BACH1: variants seen among roughly 807,000 people sequenced by gnomAD.
BACH1 encodes transcription regulator protein BACH1.
In BACH1, 35 loss-of-function variants were observed where a neutral mutation model predicts 52.9. The observed-to-expected ratio is 0.66, with a 90% confidence interval of 0.51 to 0.88. BACH1 has a LOEUF of 0.88. Among genes scored for constraint, BACH1 ranks in the 40% least tolerant of loss-of-function variants. The probability of loss-of-function intolerance (pLI) is 0.00; values close to 1 mark genes in which losing one functional copy is unlikely to be tolerated. For missense variants in BACH1, 808 were observed against 872.6 expected (o/e 0.93, Z 0.93); for synonymous variants, 321 against 319.6 (o/e 1.00, Z -0.05).
At chr21:29,299,125 G>T (rs2088573225) in intron 1 of BACH1, among the ~76,000 whole-genome samples, 172 bp downstream of exon 1, 1 of 151,456 alleles carries the variant, frequency 6.6e-6, no homozygotes, top group Non-Finnish European at 1.5e-5. Flanking sequence ...GCCCGCGGGG[G>T]GCGCCGGCGG....
intron 1 of BACH1, among the ~76,000 whole-genome samples, chr21:29,306,208 G>GTGTGTA (rs2088655737): frequency 7.1e-6 from 1 of 141,162 alleles, no homozygotes; most frequent in East Asian, 2.0e-4. Flanking sequence ...GTGTGTGTGT[G>GTGTGTA]TGTATTTAAA....
intron 4 of BACH1, among the ~76,000 whole-genome samples, chr21:29,340,160 A>T (rs977301232): frequency 6.6e-6 from 1 of 152,198 alleles, no homozygotes; most frequent in Non-Finnish European, 1.5e-5. Flanking sequence ...TTAAATACTG[A>T]TGTCATTAAG....
intron 1 of BACH1, among the ~76,000 whole-genome samples, chr21:29,318,385 C>G (rs2088811992): frequency 6.6e-6 from 1 of 152,170 alleles, no homozygotes; most frequent in South Asian, 2.1e-4. Context: ...TCCCAGATTT[C>G]TTGTATGAAC....
chr21:29,302,305 C>T (rs2088612422), intron 1 of BACH1, among the ~76,000 whole-genome samples: 1 of 152,164 alleles, frequency 6.6e-6, no homozygotes, highest in South Asian at 2.1e-4. Flanking sequence ...AATCCGTGCC[C>T]CTTGGAGGGA....
intron 2 of BACH1, among the ~76,000 whole-genome samples, chr21:29,357,365 C>T (rs1257723345): frequency 6.6e-6 from 1 of 152,176 alleles, no homozygotes; most frequent in East Asian, 1.9e-4. Flanking sequence ...CGGCCTAAGT[C>T]TGGACTACAA....
chr21:29,308,124 G>T (rs1450851523), intron 1 of BACH1, among the ~76,000 whole-genome samples: 2 of 152,216 alleles, frequency 1.3e-5, no homozygotes, highest in East Asian at 3.9e-4. Context: ...TTTATTTATA[G>T]GCTGCAAATT....
At chr21:29,313,265 G>A (rs937041291) in intron 1 of BACH1, among the ~76,000 whole-genome samples, 2 of 152,134 alleles carry the variant, frequency 1.3e-5, no homozygotes, top group African/African-American at 2.4e-5. Flanking sequence ...CAGTCCTCAC[G>A]TTCAAAGGGA....
At chr21:29,333,209 A>C (rs1457950150) in intron 4 of BACH1, among the ~76,000 whole-genome samples, 1 of 152,232 alleles carries the variant, frequency 6.6e-6, no homozygotes, top group Non-Finnish European at 1.5e-5. Flanking sequence ...TTGACGTTTA[A>C]GATAGTTATT....
At chr21:29,325,177 C>G (rs1170659606) in intron 2 of BACH1, among the ~76,000 whole-genome samples, 2 of 152,098 alleles carry the variant, frequency 1.3e-5, no homozygotes, top group Non-Finnish European at 2.9e-5. Flanking sequence ...TTGCAGTGAG[C>G]CGAGATCGCG....
chr21:29,353,437 C>T (rs1380817406), intron 2 of BACH1, among the ~76,000 whole-genome samples: 1 of 152,172 alleles, frequency 6.6e-6, no homozygotes. Flanking sequence ...CCACATGCCA[C>T]GTGTCACAAC....
At position 29,342,799 on chromosome 21, in the gene BACH1, A is replaced by C; in HGVS notation, c.2177A>C (p.Gln726Pro). The change falls in exon 5 of 5, where the codon CAG (glutamine) becomes CCG (proline). Residue 726 changes from glutamine (Q) to proline (P), a missense_variant. Gln to Pro is a moderately conservative substitution (Grantham distance 76). Transcript: ENST00000286800. ...RQSGGISDFCQQMTDKCTTDE is the reference protein window; with the variant it reads ...RQSGGISDFCPQMTDKCTTDE ...AGTGGTGGGATCTCAGATTTCTGTC[A>C]GCAGATGACTGATAAATGTACTACT... 6.2e-7 allele frequency: 1 copy of C among 1,608,264 alleles called. No individual in the cohort carries two copies. Among genetic ancestry groups the C allele is most frequent in the Non-Finnish European group, 8.5e-7 (1 of 1,175,386 alleles).
chr21:29,321,892 C>T (rs1410644350), intron 2 of BACH1, among the ~76,000 whole-genome samples: 2 of 151,940 alleles, frequency 1.3e-5, no homozygotes, highest in Non-Finnish European at 2.9e-5. Context: ...GTGTGTTAGT[C>T]TGTTCTCGTG....
At chr21:29,321,646 T>A in intron 2 of BACH1, 132 bp downstream of exon 2, 16 of 150,420 alleles carry the variant, frequency 1.1e-4, no homozygotes, top group Non-Finnish European at 1.7e-4. Context: ...GTGCAACCCC[T>A]TTTTTTTTTT....
At chr21:29,331,781 A>T (rs1298469553) in intron 4 of BACH1, among the ~76,000 whole-genome samples, 1 of 152,210 alleles carries the variant, frequency 6.6e-6, no homozygotes, top group Non-Finnish European at 1.5e-5. Context: ...TGGGGGAATT[A>T]ATTGAGTTAA....
intron 1 of BACH1, among the ~76,000 whole-genome samples, chr21:29,313,014 A>G (rs1206367381): frequency 6.6e-6 from 1 of 152,196 alleles, no homozygotes; most frequent in Admixed American, 6.5e-5. Context: ...TGCAAAGTAA[A>G]ACCACAGTGA....
At chr21:29,335,104 A>C (rs2089029327) in intron 4 of BACH1, among the ~76,000 whole-genome samples, 1 of 152,206 alleles carries the variant, frequency 6.6e-6, no homozygotes. Flanking sequence ...GTACGTTTTA[A>C]ATTCTGAGAA....
At position 29,358,995 on chromosome 21, in the gene BACH1, A is replaced by G. The variant is rs112233714; in HGVS notation, c.472+29302A>G. On this transcript the variant is annotated intron_variant, in intron 2 of 4. Coordinates refer to the BACH1 transcript ENST00000422809. The stretch of plus-strand genomic sequence containing the variant: ...TTATTTAAAACATTTTAAACTAGCC[A>G]TAACATCAGACACAGTAATTGTATG... 12 of 152,228 alleles carry G rather than the reference A, an allele frequency of 7.9e-5. No individual in the cohort carries two copies. In the East Asian group the frequency reaches 2.3e-3, roughly 29 times the overall value. 9.4% of individuals were successfully genotyped at this position (152,228 alleles called of 1,614,324 possible). A position where few individuals can be genotyped will look rare whatever the true frequency, so the allele number is the denominator to read the frequency against.
intron 1 of BACH1, among the ~76,000 whole-genome samples, chr21:29,301,106 G>A (rs899621199): frequency 6.6e-6 from 1 of 152,156 alleles, no homozygotes; most frequent in Non-Finnish European, 1.5e-5. Flanking sequence ...ATTAATGGTA[G>A]TTCATTTAAA....
chr21:29,328,767 C>G lies in BACH1; in HGVS notation c.1570-720C>G, dbSNP rs74679335. On this transcript the variant is annotated intron_variant, in intron 3 of 4. Coordinates refer to ENST00000286800, the MANE Select transcript of BACH1 (RefSeq NM_001186.4). ...CTCTGTTTCTGTGAGTTTGACTGTTCTGTCTACTTCGTATAAGTGAAATCA... is the reference window on the plus strand; with the variant it reads ...CTCTGTTTCTGTGAGTTTGACTGTTGTGTCTACTTCGTATAAGTGAAATCA... Among the ~76,000 whole-genome samples, 136 of 152,288 alleles carry G rather than the reference C, an allele frequency of 8.9e-4. 2 individuals are homozygous for G. In the East Asian group the frequency reaches 0.017, roughly 19 times the overall value.
Sources: allele counts gnomAD v4.1 joint callset (sites outside exome capture counted in the v4.1 genomes callset), GRCh38; gene constraint gnomAD v4.1.1; transcripts MANE v1.5; gene names NCBI Gene and HGNC (gene_info 2026-07-23, HGNC 2026-07-21).